The following DIXDC1 variants were observed in gnomAD, a reference collection of about 807,000 sequenced individuals.
The protein encoded by DIXDC1 is dixin.
A neutral mutation model predicts 103.1 loss-of-function variants in DIXDC1; 64 were observed. That is an observed-to-expected ratio of 0.62 (90% CI 0.51 to 0.76). The LOEUF is 0.76. Among genes scored for constraint, DIXDC1 ranks in the 30% least tolerant of loss-of-function variants. The probability of loss-of-function intolerance (pLI) is 0.00; values close to 1 mark genes in which losing one functional copy is unlikely to be tolerated. For missense variants in DIXDC1, 759 were observed against 834.2 expected (o/e 0.91, Z 1.11); for synonymous variants, 266 against 298.5 (o/e 0.89, Z 1.12).
chr11:111,938,567 G>T (rs587715113), intron 1 of DIXDC1, among the ~76,000 whole-genome samples: 2 of 152,286 alleles, frequency 1.3e-5, no homozygotes, highest in East Asian at 3.9e-4. Context: ...AGGCAAGACT[G>T]AAGTGCCTTT....
At position 112,016,759 on chromosome 11, in the gene DIXDC1, C is replaced by T. The variant is rs782507381; in HGVS notation, c.1825C>T (p.Arg609Trp). Residue 609 changes from arginine to tryptophan, a missense_variant, in exon 18 of 20, where the codon CGG becomes TGG. Coordinates refer to ENST00000440460, the MANE Select transcript of DIXDC1 (RefSeq NM_001037954.4). ...TACTAAAGTGCTCTATTTCACTGAC[C>T]GGTCACTTACGCCCTTCATGGTCAA... ...TCTKVLYFTD[R>W]SLTPFMVNIP... is the part of the protein sequence containing the mutation. 5 of 1,608,902 alleles carry T rather than the reference C, an allele frequency of 3.1e-6. No homozygotes were observed. The highest frequency in any genetic ancestry group is 1.1e-5 in the South Asian group (1 of 90,010).
upstream of DIXDC1, chr11:111,937,311 C>T: frequency 1.5e-6 from 2 of 1,337,434 alleles, no homozygotes; most frequent in South Asian, 2.0e-5. Flanking sequence ...CCAGCGGAGG[C>T]CCCCGTGCGA....
At chr11:112,014,190 T>A (rs868924415) in intron 17 of DIXDC1, among the ~76,000 whole-genome samples, 42 of 152,202 alleles carry the variant, frequency 2.8e-4, no homozygotes, top group African/African-American at 9.2e-4. Context: ...ATTTCTGGCT[T>A]CCAGTTTGTC....
intron 19 of DIXDC1, among the ~76,000 whole-genome samples, chr11:112,018,435 C>T (rs1555178030): frequency 7.9e-5 from 12 of 152,096 alleles, no homozygotes; most frequent in Non-Finnish European, 1.5e-5. Flanking sequence ...ACTGCAGTTA[C>T]AGAATGAAAA....
intron 1 of DIXDC1, among the ~76,000 whole-genome samples, chr11:111,952,069 T>C (rs1555170029): frequency 6.6e-6 from 1 of 152,138 alleles, no homozygotes; most frequent in Non-Finnish European, 1.5e-5. Context: ...TTTCACCATG[T>C]TGGGCAGGCT....
upstream of DIXDC1, among the ~76,000 whole-genome samples, chr11:111,936,986 CGT>C (rs1402965978): frequency 1.4e-5 from 2 of 146,170 alleles, no homozygotes; most frequent in South Asian, 2.1e-4. Flanking sequence ...TGTTTGTCAA[CGT>C]GTGTGTGTGT....
At chr11:112,012,394 A>G (rs1861452483) in intron 17 of DIXDC1, among the ~76,000 whole-genome samples, 1 of 152,238 alleles carries the variant, frequency 6.6e-6, no homozygotes, top group South Asian at 2.1e-4. Flanking sequence ...AACAGCATAG[A>G]GTTAAAAATA....
chr11:112,018,724 C>T (rs1555178061), intron 19 of DIXDC1, among the ~76,000 whole-genome samples: 1 of 152,122 alleles, frequency 6.6e-6, no homozygotes, highest in African/African-American at 2.4e-5. Context: ...TTAATTCTTA[C>T]AAATCTCTAT....
intron 1 of DIXDC1, among the ~76,000 whole-genome samples, chr11:111,940,438 T>G (rs782500647): frequency 7.2e-5 from 11 of 152,180 alleles, no homozygotes; most frequent in Non-Finnish European, 1.0e-4. Flanking sequence ...CCAATCTGCA[T>G]CTGCCTCAAA....
chr11:112,002,568 A>T (rs1388114321), intron 17 of DIXDC1, among the ~76,000 whole-genome samples: 1 of 152,168 alleles, frequency 6.6e-6, no homozygotes, highest in East Asian at 1.9e-4. Context: ...AGGCAGGAAG[A>T]TCGCTTGAGC....
intron 1 of DIXDC1, among the ~76,000 whole-genome samples, chr11:111,950,960 A>G (rs1381608728): frequency 1.3e-5 from 2 of 152,240 alleles, no homozygotes; most frequent in Non-Finnish European, 2.9e-5. Flanking sequence ...GAATAGCAGT[A>G]ATTCTTCAAA....
In DIXDC1 at chr11:112,019,043, G is replaced by A. The variant is rs1228155630; in HGVS notation, c.*7G>A. 1.4e-5 allele frequency: 23 copies of A among 1,611,826 alleles called. No homozygotes were observed. Among genetic ancestry groups the A allele is most frequent in the Non-Finnish European group, 1.3e-5 (15 of 1,178,378 alleles). On this transcript the variant is annotated 3_prime_UTR_variant, in exon 20 of 20. Transcript: ENST00000440460. ...AGACCATGGAGAGAATTAATGCCAA[G>A]TATCAGATTGAGGGCTTATGGAACC...
Position 111,937,494 on chromosome 11 carries a change from G to T in DIXDC1, c.-6G>T. 6.3e-7 allele frequency: 1 copy of T among 1,582,800 alleles called. No homozygotes were observed. The highest frequency in any genetic ancestry group is 1.2e-5 in the South Asian group (1 of 86,346). The stretch of plus-strand genomic sequence containing the variant: ...GACCCCGCCCGGGGAGCCCCCAGCA[G>T]GAACAATGCTAGCCTGCCTGACCCG... On this transcript the variant is annotated 5_prime_UTR_variant, in exon 1 of 20. The change creates a new upstream start codon in the 5' untranslated region. Coordinates refer to ENST00000440460, the MANE Select transcript of DIXDC1 (RefSeq NM_001037954.4).
rs1555168328 is a variant in DIXDC1, at chr11:111,937,505, A to G, written c.6A>G (p.Leu2=). The change falls in exon 1 of 20, where the codon CTA becomes CTG. Residue 2 remains leucine (L), a synonymous_variant. Transcript: ENST00000440460. M[L]ACLTRGNLLD... ...GGGAGCCCCCAGCAGGAACAATGCT[A>G]GCCTGCCTGACCCGAGGGAACTTAC... 1 of 1,590,464 alleles carries G rather than the reference A, an allele frequency of 6.3e-7. No individual in the cohort carries two copies. The highest frequency in any genetic ancestry group is 1.1e-5 in the South Asian group (1 of 87,136).
chr11:111,966,315 T>A (rs1435799064), intron 2 of DIXDC1, among the ~76,000 whole-genome samples: 1 of 145,358 alleles, frequency 6.9e-6, no homozygotes, highest in African/African-American at 2.6e-5. Context: ...CTCCACCTTC[T>A]GGGTTCAAGC....
chr11:111,997,675 T>G (rs1555175539), intron 17 of DIXDC1, among the ~76,000 whole-genome samples: 1 of 152,226 alleles, frequency 6.6e-6, no homozygotes, highest in African/African-American at 2.4e-5. Context: ...TAGTGTAAAC[T>G]GCCAATATAA....
chr11:112,017,830 A>G lies in DIXDC1; in HGVS notation c.1916A>G (p.Asn639Ser), dbSNP rs782607792. 13 of 1,611,660 alleles carry G rather than the reference A, an allele frequency of 8.1e-6. No homozygotes were observed. In the South Asian group the frequency reaches 1.4e-4, roughly 18 times the overall value. The change falls in exon 19 of 20, where the codon AAT becomes AGT. Residue 639 changes from asparagine to serine, a missense_variant. Around this residue, in one of 3 missense-constraint regions of DIXDC1, gnomAD observed 657 missense variants for 727.5 expected, o/e 0.90. Coordinates refer to ENST00000440460, the MANE Select transcript of DIXDC1 (RefSeq NM_001037954.4). The surrounding 1 kb of genome is among the most constrained non-coding windows in gnomAD (Gnocchi z 4.0). Reference protein sequence around the residue: ...DFKAAIDREGNHRYHFKALDP... With the variant: ...DFKAAIDREGSHRYHFKALDP... Reference sequence around the variant, plus strand: ...AAAGCAGCTATTGATCGGGAAGGAAATCACCGGTATCACTTCAAAGCACTG... The same window carrying G: ...AAAGCAGCTATTGATCGGGAAGGAAGTCACCGGTATCACTTCAAAGCACTG...
chr11:111,992,113 T>C (rs1860729008), intron 10 of DIXDC1, among the ~76,000 whole-genome samples: 1 of 152,092 alleles, frequency 6.6e-6, no homozygotes, highest in African/African-American at 2.4e-5. Context: ...GTCCAGTCTT[T>C]CTCTCTCGAA....
Position 111,977,470 on chromosome 11 carries a change from C to A in DIXDC1, c.656+2487C>A. On this transcript the variant is annotated intron_variant, in intron 5 of 19. Coordinates refer to ENST00000440460, the MANE Select transcript of DIXDC1 (RefSeq NM_001037954.4). This position sits in a 1 kb window ranked among gnomAD's most constrained non-coding sequence, Gnocchi z 6.1. ...AGGCCAAGATGCAGCGGCCAGGGGC[C>A]GGCAGCCTGCGAGGGGAGGCAGCTT... is the stretch of plus-strand genomic sequence containing the variant. 7.7e-7 allele frequency: 1 copy of A among 1,299,296 alleles called. No homozygotes were observed. 80.5% of individuals were successfully genotyped at this position (1,299,296 alleles called of 1,614,324 possible). A position where few individuals can be genotyped will look rare whatever the true frequency, so the allele number is the denominator to read the frequency against.
Sources: allele counts gnomAD v4.1 joint callset (sites outside exome capture counted in the v4.1 genomes callset), GRCh38; gene constraint gnomAD v4.1.1; regional missense constraint gnomAD v4.1.1; non-coding constraint Gnocchi (gnomAD v3.1); transcripts MANE v1.5; gene names NCBI Gene and HGNC (gene_info 2026-07-23, HGNC 2026-07-21).